The following UNC13C variants were observed in gnomAD, a reference collection of about 807,000 sequenced individuals.
The protein encoded by UNC13C is unc-13 homolog C, also known as protein unc-13 homolog C.
Under a neutral mutation model 245.4 loss-of-function variants are expected in UNC13C, and 174 were observed. That is an observed-to-expected ratio of 0.71 (90% CI 0.63 to 0.80). UNC13C has a LOEUF of 0.80. Ranked by LOEUF, UNC13C falls within the 30% of genes least tolerant of loss-of-function variation. The pLI, the probability that UNC13C is intolerant of heterozygous loss-of-function variation, is 0.00. For missense variants in UNC13C, 2,829 were observed against 2,602.9 expected (o/e 1.09, Z -1.89); for synonymous variants, 992 against 895.1 (o/e 1.11, Z -1.93).
chr15:54,548,734 A>G (rs1257600096), intron 27 of UNC13C, among the ~76,000 whole-genome samples: 2 of 152,150 alleles, frequency 1.3e-5, no homozygotes, highest in African/African-American at 2.4e-5. Context: ...CATTTTCTGT[A>G]TAAGGTTTTC....
chr15:54,602,631 T>C (rs12592914), intron 30 of UNC13C, among the ~76,000 whole-genome samples: 110,115 of 152,032 alleles, frequency 0.72, 39,881 homozygotes, highest in East Asian at 0.77. Flanking sequence ...TTGTAACATA[T>C]AGCACAGAAC....
At chr15:54,385,785 A>G (rs1013263581) in intron 17 of UNC13C, among the ~76,000 whole-genome samples, 1 of 151,982 alleles carries the variant, frequency 6.6e-6, no homozygotes, top group African/African-American at 2.4e-5. Context: ...TAATCATTAT[A>G]TGCTCTATGC....
In UNC13C at chr15:53,978,774, C is replaced by T. The variant is rs548883740; in HGVS notation, c.-410C>T. Among the ~76,000 whole-genome samples, 13 of 152,260 alleles carry T rather than the reference C, an allele frequency of 8.5e-5. No individual in the cohort carries two copies. The highest frequency in any genetic ancestry group is 1.3e-4 in the Non-Finnish European group (9 of 68,024). ...TCGGATCCCTGGGACGCAGCTTCCA[C>T]TCCTGTTCTAACTATTTGTGATTGA... is the stretch of plus-strand genomic sequence containing the variant. On this transcript the variant is annotated 5_prime_UTR_variant, in exon 1 of 33. Transcript: ENST00000260323.
intron 29 of UNC13C, among the ~76,000 whole-genome samples, chr15:54,565,154 C>T (rs1897456962): frequency 6.6e-6 from 1 of 151,930 alleles, no homozygotes; most frequent in Admixed American, 6.6e-5. Context: ...ATGCCTCCCC[C>T]ATTATCTGTA....
intron 30 of UNC13C, among the ~76,000 whole-genome samples, chr15:54,597,540 G>A (rs1318449954): frequency 6.6e-6 from 1 of 152,084 alleles, no homozygotes; most frequent in Admixed American, 6.6e-5. Flanking sequence ...AAGAATGTTG[G>A]GCATGGAGAA....
chr15:54,314,081 A>T (rs2037946055), intron 13 of UNC13C, among the ~76,000 whole-genome samples: 1 of 151,658 alleles, frequency 6.6e-6, no homozygotes, highest in Non-Finnish European at 1.5e-5. Context: ...TCAAAAAAAA[A>T]AAACAAAACA....
At chr15:54,327,390 AT>A (rs879275941) in intron 14 of UNC13C, among the ~76,000 whole-genome samples, 72 of 148,572 alleles carry the variant, frequency 4.8e-4, no homozygotes, top group African/African-American at 1.0e-3. Flanking sequence ...TATTTTTATA[AT>A]TTTTTTTTTT....
rs925663506 is a variant in UNC13C, at chr15:53,978,681, G to T, written c.-503G>T. On this transcript the variant is annotated 5_prime_UTR_variant, in exon 1 of 33. Coordinates refer to ENST00000260323, the MANE Select transcript of UNC13C (RefSeq NM_001080534.3). ...TAGAATTGCTTCGGAGGCTACCCGG[G>T]AGTGCGATAGAATTGACAAGAAAAG... Among the ~76,000 whole-genome samples, 10 of 152,290 alleles carry T rather than the reference G, an allele frequency of 6.6e-5. No homozygotes were observed. Among genetic ancestry groups the T allele is most frequent in the African/African-American group, 2.4e-4 (10 of 41,556 alleles).
At chr15:54,452,857 G>A (rs897464335) in intron 19 of UNC13C, among the ~76,000 whole-genome samples, 1 of 152,162 alleles carries the variant, frequency 6.6e-6, no homozygotes. Context: ...AAAACGCACA[G>A]CAGCCCTTCT....
At chr15:54,197,941 C>T (rs904865555) in intron 4 of UNC13C, among the ~76,000 whole-genome samples, 12 of 152,070 alleles carry the variant, frequency 7.9e-5, no homozygotes, top group African/African-American at 2.9e-4. Context: ...CAGCCCTGGT[C>T]ACCAGCTGCC....
At chr15:54,601,993 T>A (rs2141273528) in intron 30 of UNC13C, among the ~76,000 whole-genome samples, 1 of 152,234 alleles carries the variant, frequency 6.6e-6, no homozygotes, top group African/African-American at 2.4e-5. Flanking sequence ...CTTCCCTCCC[T>A]CTGTGAGCCC....
rs141549991 is a variant in UNC13C, at chr15:54,233,826, C to T, written c.3072-1204C>T. 3.7e-4 allele frequency among the ~76,000 whole-genome samples: 56 copies of T among 152,180 alleles called. No homozygotes were observed. In the East Asian group the frequency reaches 9.5e-3, roughly 26 times the overall value. ...AATGACAGAGATGCCTAGCTATTAC[C>T]GAGGGGCATGAACTGTGTTGTTCAT... On this transcript the variant is annotated intron_variant, in intron 4 of 32. Transcript: ENST00000260323.
chr15:54,299,950 A>C (rs1408969673), intron 12 of UNC13C, among the ~76,000 whole-genome samples: 1 of 152,194 alleles, frequency 6.6e-6, no homozygotes, highest in African/African-American at 2.4e-5. Context: ...AGCTATTATG[A>C]CATCTTGTCC....
At chr15:54,428,616 T>G (rs1000763817) in intron 19 of UNC13C, among the ~76,000 whole-genome samples, 2 of 151,580 alleles carry the variant, frequency 1.3e-5, no homozygotes, top group Non-Finnish European at 3.0e-5. Flanking sequence ...TTTTCTGTGT[T>G]GTCTACTGTT....
intron 2 of UNC13C, among the ~76,000 whole-genome samples, chr15:54,061,356 G>T (rs1897826369): frequency 6.6e-6 from 1 of 152,042 alleles, no homozygotes; most frequent in South Asian, 2.1e-4. Context: ...GTGGCTGGAA[G>T]AAAAATGGTA....
At chr15:54,049,176 G>A in intron 2 of UNC13C, 1 of 439,164 alleles carries the variant, frequency 2.3e-6, no homozygotes, top group South Asian at 2.0e-5. Flanking sequence ...TTTTCCAGTT[G>A]ATACCTTGAA....
At chr15:53,974,404 A>G (rs1302613997), upstream of UNC13C, among the ~76,000 whole-genome samples, 3 of 152,192 alleles carry the variant, frequency 2.0e-5, no homozygotes, top group Non-Finnish European at 4.4e-5. Context: ...TCACTCATCA[A>G]CCTACCTTTT....
the UNC13C span, among the ~76,000 whole-genome samples, chr15:53,966,715 T>C: frequency 0.012 from 1,881 of 152,230 alleles, 15 homozygotes; most frequent in Non-Finnish European, 0.021. Flanking sequence ...TCTTTATAGA[T>C]TGATTTTTCT....
At chr15:54,042,154 C>T (rs1194732688) in intron 2 of UNC13C, among the ~76,000 whole-genome samples, 1 of 152,112 alleles carries the variant, frequency 6.6e-6, no homozygotes, top group Non-Finnish European at 1.5e-5. Context: ...CACTTCTTTT[C>T]CCAAGATAAG....
Sources: allele counts gnomAD v4.1 joint callset (sites outside exome capture counted in the v4.1 genomes callset), GRCh38; gene constraint gnomAD v4.1.1; transcripts MANE v1.5; gene names NCBI Gene and HGNC (gene_info 2026-07-23, HGNC 2026-07-21).